Variants in SLX4IP observed in about 807,000 individuals in gnomAD.
SLX4IP encodes the protein SLX4 interacting protein, also known as protein SLX4IP.
A neutral mutation model predicts 32.9 loss-of-function variants in SLX4IP; 34 were observed. The observed-to-expected ratio is 1.03, with a 90% CI of 0.79 to 1.38. The LOEUF (loss-of-function observed/expected upper bound fraction) is 1.38, where lower values mean the gene tolerates loss of function less well. Among genes scored for constraint, SLX4IP ranks in the 40% most tolerant of loss-of-function variants. The pLI, the probability that SLX4IP is intolerant of heterozygous loss-of-function variation, is 0.00. For missense variants in SLX4IP, 444 were observed against 479.0 expected, an observed-to-expected ratio of 0.93 and a Z score of 0.68; for synonymous variants, 172 against 171.7, an observed-to-expected ratio of 1.00 and a Z score of -0.01.
chr20:10,554,172 A>G (rs2066245828), intron 2 of SLX4IP, among the ~76,000 whole-genome samples: 1 of 151,986 alleles, frequency 6.6e-6, no homozygotes, highest in Admixed American at 6.5e-5. Context: ...TCACACGTTG[A>G]TTTTGCTGTT....
chr20:10,510,390 C>G (rs1798785008), intron 2 of SLX4IP, among the ~76,000 whole-genome samples: 1 of 152,152 alleles, frequency 6.6e-6, no homozygotes, highest in Non-Finnish European at 1.5e-5. Flanking sequence ...GCCACACACA[C>G]CTTTCATCCT....
chr20:10,607,023 GTGT>G (rs1230797125), intron 6 of SLX4IP, among the ~76,000 whole-genome samples: 4 of 152,076 alleles, frequency 2.6e-5, no homozygotes, highest in Non-Finnish European at 5.9e-5. Context: ...GATGATGTTG[GTGT>G]TATGTTTTTC....
At chr20:10,559,247 A>G (rs1434021477) in intron 3 of SLX4IP, among the ~76,000 whole-genome samples, 1 of 152,246 alleles carries the variant, frequency 6.6e-6, no homozygotes, top group Admixed American at 6.5e-5. Context: ...TTAGGCTGCA[A>G]CATGAAAAGC....
chr20:10,614,318 T>C (rs1180657551), intron 6 of SLX4IP: 1 of 582,394 alleles, frequency 1.7e-6, no homozygotes, highest in African/African-American at 1.9e-5. Flanking sequence ...TTTAAAGACA[T>C]TGAATAGCTT....
At chr20:10,504,934 G>A (rs1470486402) in intron 2 of SLX4IP, among the ~76,000 whole-genome samples, 5 of 151,324 alleles carry the variant, frequency 3.3e-5, no homozygotes, top group Non-Finnish European at 5.9e-5. Context: ...AGAAACTGTA[G>A]GAGGAAAAAA....
intron 2 of SLX4IP, 43 bp from the exon 3 acceptor site, chr20:10,556,188 C>T: frequency 3.2e-6 from 5 of 1,552,202 alleles, no homozygotes; most frequent in Non-Finnish European, 4.4e-6. Context: ...GTTTGCTGGG[C>T]ATGAGCCGCA....
chr20:10,579,237 A>G (rs1023717269), intron 4 of SLX4IP, among the ~76,000 whole-genome samples: 2 of 152,116 alleles, frequency 1.3e-5, no homozygotes, highest in South Asian at 2.1e-4. Flanking sequence ...TTAATTTCAT[A>G]TATGACATGA....
intron 2 of SLX4IP, among the ~76,000 whole-genome samples, chr20:10,463,597 A>G (rs552516788): frequency 8.5e-5 from 13 of 152,350 alleles, no homozygotes; most frequent in Non-Finnish European, 1.6e-4. Flanking sequence ...AATGAATAAA[A>G]TACATCATGT....
chr20:10,524,169 C>A (rs631484), intron 2 of SLX4IP, among the ~76,000 whole-genome samples: 57 of 152,168 alleles, frequency 3.7e-4, no homozygotes, highest in African/African-American at 1.2e-3. Flanking sequence ...AGCTGCAGGC[C>A]TCATGGGGTT....
intron 1 of SLX4IP, among the ~76,000 whole-genome samples, chr20:10,437,824 A>G (rs1293929776): frequency 6.6e-6 from 1 of 152,246 alleles, no homozygotes; most frequent in African/African-American, 2.4e-5. Flanking sequence ...TGTGTGTGGC[A>G]GTAGAACATG....
At chr20:10,548,796 A>G (rs965425311) in intron 2 of SLX4IP, among the ~76,000 whole-genome samples, 6 of 152,192 alleles carry the variant, frequency 3.9e-5, no homozygotes, top group African/African-American at 9.7e-5. Context: ...AAATGCAATA[A>G]TGTACAGAAA....
intron 2 of SLX4IP, among the ~76,000 whole-genome samples, chr20:10,486,053 A>T (rs2122388667): frequency 6.6e-6 from 1 of 152,220 alleles, no homozygotes; most frequent in East Asian, 1.9e-4. Context: ...TCTAGGTACA[A>T]ATGGACCCAT....
At chr20:10,503,342 A>C (rs1385813677) in intron 2 of SLX4IP, among the ~76,000 whole-genome samples, 2 of 152,150 alleles carry the variant, frequency 1.3e-5, no homozygotes, top group African/African-American at 4.8e-5. Flanking sequence ...TAGGTGGCCT[A>C]GAGGTGTGGC....
chr20:10,519,619 A>G (rs1191342104), intron 2 of SLX4IP, among the ~76,000 whole-genome samples: 2 of 152,202 alleles, frequency 1.3e-5, no homozygotes, highest in African/African-American at 4.8e-5. Flanking sequence ...TCCATTTATC[A>G]GTTGAGGGAC....
chr20:10,478,977 T>C (rs62187248), intron 2 of SLX4IP, among the ~76,000 whole-genome samples: 1 of 152,228 alleles, frequency 6.6e-6, no homozygotes, highest in East Asian at 1.9e-4. Flanking sequence ...ATTACCTCTA[T>C]TCAGGTAGAA....
At chr20:10,456,697 G>A (rs937145708) in intron 1 of SLX4IP, among the ~76,000 whole-genome samples, 7 of 152,240 alleles carry the variant, frequency 4.6e-5, no homozygotes, top group Admixed American at 3.9e-4. Flanking sequence ...TTCTTTTTCA[G>A]TATTGTTTTT....
intron 4 of SLX4IP, among the ~76,000 whole-genome samples, chr20:10,577,977 A>T (rs1031813632): frequency 6.6e-6 from 1 of 152,240 alleles, no homozygotes; most frequent in Non-Finnish European, 1.5e-5. Context: ...GGAAAGCCTC[A>T]TTCTTCCTAA....
Position 10,585,261 on chromosome 20 carries a change from G to A in SLX4IP, c.239-13414G>A, listed in dbSNP as rs537223814. Among the ~76,000 whole-genome samples, 5 of 152,252 alleles carry A rather than the reference G, an allele frequency of 3.3e-5. No homozygotes were observed. The East Asian group carries it at 5.8e-4, about 18-fold the overall frequency. On this transcript the variant is annotated intron_variant, in intron 4 of 7. Transcript: ENST00000334534. ...CTCTCAATTGCCAGCTGAGTATTTT[G>A]TTCTATTTCTGCTGTCACTAATGCT... is the stretch of plus-strand genomic sequence containing the variant.
chr20:10,507,182 G>A (rs1364608742), intron 2 of SLX4IP, among the ~76,000 whole-genome samples: 1 of 152,192 alleles, frequency 6.6e-6, no homozygotes, highest in Non-Finnish European at 1.5e-5. Context: ...GCCTATGGGA[G>A]GCCAGTGCCT....
Sources: allele counts gnomAD v4.1 joint callset (sites outside exome capture counted in the v4.1 genomes callset), GRCh38; gene constraint gnomAD v4.1.1; transcripts MANE v1.5; gene names NCBI Gene and HGNC (gene_info 2026-07-23, HGNC 2026-07-21).